Variants in ZNF654 observed in about 807,000 individuals in gnomAD.
ZNF654 encodes zinc finger protein 654, also known as melanoma-associated antigen.
ZNF654 carries 19 observed loss-of-function variants against 95.3 expected under a neutral mutation model. The ratio of observed to expected loss-of-function variants is 0.20; its 90% CI spans 0.14 to 0.29. The LOEUF is 0.29. Ranked by LOEUF, ZNF654 falls within the 10% of genes least tolerant of loss-of-function variation. The pLI, the probability that ZNF654 is intolerant of heterozygous loss-of-function variation, is 1.00. For missense variants in ZNF654, 1,046 were observed against 1,341.0 expected (o/e 0.78, Z 3.44); for synonymous variants, 413 against 457.9 (o/e 0.90, Z 1.25).
chr3:88,104,887 C>T (rs1482943249), intron 2 of ZNF654, among the ~76,000 whole-genome samples: 1 of 152,152 alleles, frequency 6.6e-6, no homozygotes. Flanking sequence ...GCCTGTAATC[C>T]CAGCACTTTG....
intron 3 of ZNF654, among the ~76,000 whole-genome samples, chr3:88,124,638 T>C (rs945370888): frequency 3.9e-5 from 6 of 152,222 alleles, no homozygotes; most frequent in African/African-American, 1.2e-4. Context: ...ATAAGTAACA[T>C]TTCTGAAAAT....
intron 2 of ZNF654, among the ~76,000 whole-genome samples, chr3:88,098,093 TAAAG>T (rs1299038725): frequency 1.3e-5 from 2 of 151,240 alleles, no homozygotes; most frequent in East Asian, 1.9e-4. Context: ...GCAAGACTAA[TAAAG>T]AAGAAAAGAG....
At chr3:88,065,652 C>T (rs1707155329) in intron 1 of ZNF654, among the ~76,000 whole-genome samples, 1 of 151,730 alleles carries the variant, frequency 6.6e-6, no homozygotes, top group Non-Finnish European at 1.5e-5. Flanking sequence ...ATTAAACCTA[C>T]TTTATAATCA....
chr3:88,101,481 G>C, intron 2 of ZNF654, among the ~76,000 whole-genome samples: 1 of 152,152 alleles, frequency 6.6e-6, no homozygotes, highest in East Asian at 1.9e-4. Context: ...TTTTCACTTA[G>C]AATAATGTTC....
In ZNF654 at chr3:88,064,193, G is replaced by A. The variant is rs1207851749; in HGVS notation, c.186+4688G>A. Reference sequence around the variant, plus strand: ...CCTTTCCTACTTCTTATTCTCCAGAGGCTATCACTGGCAACTCTTTCAGTT... The same window carrying A: ...CCTTTCCTACTTCTTATTCTCCAGAAGCTATCACTGGCAACTCTTTCAGTT... On this transcript the variant is annotated intron_variant, in intron 1 of 8. Transcript: ENST00000636215. 3.3e-5 allele frequency among the ~76,000 whole-genome samples: 5 copies of A among 151,068 alleles called. No homozygotes were observed. In the East Asian group the frequency reaches 7.8e-4, roughly 23 times the overall value.
intron 6 of ZNF654, among the ~76,000 whole-genome samples, chr3:88,131,342 A>C (rs1429578178): frequency 6.6e-6 from 1 of 152,134 alleles, no homozygotes; most frequent in Non-Finnish European, 1.5e-5. Context: ...AAGTATTATC[A>C]TTTTTTGACA....
chr3:88,072,611 T>G (rs553804160), intron 1 of ZNF654, among the ~76,000 whole-genome samples: 3 of 152,318 alleles, frequency 2.0e-5, no homozygotes, highest in Non-Finnish European at 4.4e-5. Context: ...ATTAGAGAGA[T>G]AGAGGCCTTC....
intron 2 of ZNF654, among the ~76,000 whole-genome samples, chr3:88,087,521 A>G (rs1158045617): frequency 6.6e-6 from 1 of 152,260 alleles, no homozygotes; most frequent in Non-Finnish European, 1.5e-5. Flanking sequence ...GAAAATAAAT[A>G]GAGAAAGATT....
intron 1 of ZNF654, among the ~76,000 whole-genome samples, chr3:88,072,963 T>TAAA (rs1438494397): frequency 1.8e-5 from 1 of 57,082 alleles, no homozygotes; most frequent in Non-Finnish European, 5.3e-5. Flanking sequence ...ACTTGACTCT[T>TAAA]AAAAAAATTG....
intron 2 of ZNF654, among the ~76,000 whole-genome samples, chr3:88,089,220 G>A (rs894656352): frequency 2.0e-5 from 3 of 150,094 alleles, no homozygotes; most frequent in Non-Finnish European, 4.4e-5. Flanking sequence ...GCCCGGGTGC[G>A]GTGGCTCACG....
At chr3:88,076,214 T>C (rs756947387) in intron 1 of ZNF654, among the ~76,000 whole-genome samples, 2 of 152,344 alleles carry the variant, frequency 1.3e-5, no homozygotes, top group Non-Finnish European at 2.9e-5. Flanking sequence ...ATTATAGACT[T>C]TCTGCCTTTT....
At chr3:88,130,298 A>G (rs1706370103) in intron 6 of ZNF654, among the ~76,000 whole-genome samples, 1 of 152,180 alleles carries the variant, frequency 6.6e-6, no homozygotes, top group Non-Finnish European at 1.5e-5. Context: ...TTGCTGTTTC[A>G]TTAATTCTTA....
intron 1 of ZNF654, among the ~76,000 whole-genome samples, 162 bp downstream of exon 1, chr3:88,059,667 G>C (rs924386819): frequency 6.6e-6 from 1 of 151,854 alleles, no homozygotes; most frequent in Non-Finnish European, 1.5e-5. Context: ...GGCTTGGGGT[G>C]GGGGGCGGGG....
intron 1 of ZNF654, among the ~76,000 whole-genome samples, chr3:88,069,994 A>G (rs1047119190): frequency 6.6e-6 from 1 of 152,188 alleles, no homozygotes; most frequent in Non-Finnish European, 1.5e-5. Context: ...TCGTACTGTC[A>G]TTTGACAAAT....
intron 1 of ZNF654, among the ~76,000 whole-genome samples, chr3:88,084,286 T>C (rs1708229694): frequency 6.6e-6 from 1 of 152,110 alleles, no homozygotes; most frequent in Non-Finnish European, 1.5e-5. Context: ...AGGGAGCAGA[T>C]AAGGTTGCAA....
chr3:88,124,829 G>A, intron 3 of ZNF654, among the ~76,000 whole-genome samples: 1 of 150,758 alleles, frequency 6.6e-6, no homozygotes, highest in South Asian at 2.1e-4. Context: ...AACGCTTTAA[G>A]CTCTATTTAT....
chr3:88,132,755 C>A (rs557536993), intron 6 of ZNF654, among the ~76,000 whole-genome samples: 1 of 152,262 alleles, frequency 6.6e-6, no homozygotes, highest in East Asian at 1.9e-4. Context: ...TCTCTTAATT[C>A]TTTTAATAAA....
At chr3:88,114,651 TC>T (rs1705282742) in intron 3 of ZNF654, among the ~76,000 whole-genome samples, 1 of 152,178 alleles carries the variant, frequency 6.6e-6, no homozygotes, top group Non-Finnish European at 1.5e-5. Context: ...ACTCTGAATT[TC>T]CTTGAGCCTC....
intron 2 of ZNF654, among the ~76,000 whole-genome samples, chr3:88,106,325 A>G (rs1025529686): frequency 6.6e-6 from 1 of 151,704 alleles, no homozygotes; most frequent in African/African-American, 2.4e-5. Flanking sequence ...GAAAATGTAT[A>G]TTTTTTTCAT....
Sources: gnomAD v4.1 joint callset for allele counts (sites outside exome capture counted in the v4.1 genomes callset) on GRCh38, gnomAD v4.1.1 for gene constraint, MANE v1.5 for transcripts, NCBI Gene and HGNC (gene_info 2026-07-23, HGNC 2026-07-21) for gene names.